The following CABLES1 variants were observed in gnomAD, a reference collection of about 807,000 sequenced individuals.
CABLES1 encodes Cdk5 and Abl enzyme substrate 1, also known as CDK5 and ABL1 enzyme substrate 1.
In CABLES1, 36 loss-of-function variants were observed where a neutral mutation model predicts 57.8. That is an observed-to-expected ratio of 0.62 (90% CI 0.48 to 0.82). The LOEUF is 0.82. Ranked by LOEUF, CABLES1 falls within the 40% of genes least tolerant of loss-of-function variation. The pLI, the probability that CABLES1 is intolerant of heterozygous loss-of-function variation, is 0.00. For missense variants in CABLES1, 767 were observed against 836.6 expected (o/e 0.92, Z 1.03); for synonymous variants, 374 against 363.0 (o/e 1.03, Z -0.35).
intron 7 of CABLES1, among the ~76,000 whole-genome samples, chr18:23,241,336 G>A (rs1184875724): frequency 6.6e-6 from 1 of 152,028 alleles, no homozygotes; most frequent in East Asian, 1.9e-4. Flanking sequence ...TTTAAGACCA[G>A]CCTGGCTAAC....
chr18:23,159,720 AC>A (rs893272293), intron 1 of CABLES1, among the ~76,000 whole-genome samples: 2 of 152,242 alleles, frequency 1.3e-5, no homozygotes, highest in African/African-American at 2.4e-5. Flanking sequence ...ATTAACACAC[AC>A]GCACAGACAA....
chr18:23,135,573 C>G lies in CABLES1; in HGVS notation c.-190C>G. The G allele has an allele frequency of 3.9e-5, 7 of 180,250 alleles. No homozygotes were observed. The highest frequency in any genetic ancestry group is 7.3e-5 in the Non-Finnish European group (7 of 95,532). The allele number at this position is 180,250 out of a possible 1,614,324, so 11.2% of individuals were successfully genotyped here. ...AGCGAGGCGTGCGCGTGGGCCGGGGCGGCGGCGCCCCCATCCCCAGCACCG... is the reference window on the plus strand; with the variant it reads ...AGCGAGGCGTGCGCGTGGGCCGGGGGGGCGGCGCCCCCATCCCCAGCACCG... On this transcript the variant is annotated 5_prime_UTR_variant, in exon 1 of 10. Coordinates refer to ENST00000256925, the MANE Select transcript of CABLES1 (RefSeq NM_001100619.3).
chr18:23,249,284 C>T (rs1292710970), intron 7 of CABLES1, among the ~76,000 whole-genome samples: 2 of 152,188 alleles, frequency 1.3e-5, no homozygotes, highest in Non-Finnish European at 2.9e-5. Context: ...AACAGGGCAT[C>T]CCAGGAGGAG....
intron 1 of CABLES1, among the ~76,000 whole-genome samples, chr18:23,168,857 A>G (rs2080984955): frequency 6.6e-6 from 1 of 152,152 alleles, no homozygotes; most frequent in Non-Finnish European, 1.5e-5. Context: ...ACCTTGCAGA[A>G]TTCTTCTAAG....
chr18:23,242,844 C>G (rs756400952), intron 7 of CABLES1, among the ~76,000 whole-genome samples: 2 of 152,008 alleles, frequency 1.3e-5, no homozygotes, highest in Non-Finnish European at 2.9e-5. Context: ...TCCCTCTACC[C>G]CTACATCTCC....
chr18:23,244,262 C>G (rs1017227789), intron 7 of CABLES1, among the ~76,000 whole-genome samples: 3 of 152,238 alleles, frequency 2.0e-5, no homozygotes, highest in Admixed American at 1.3e-4. Flanking sequence ...ATATTTGACA[C>G]TGAACATGCT....
At chr18:23,146,178 C>T (rs1355565427) in intron 1 of CABLES1, among the ~76,000 whole-genome samples, 1 of 152,164 alleles carries the variant, frequency 6.6e-6, no homozygotes, top group African/African-American at 2.4e-5. Context: ...TTAAGAAGGG[C>T]TGGGTGGCGG....
At chr18:23,252,808 T>C (rs1216178953) in intron 7 of CABLES1, 152 bp from the exon 8 acceptor site, 7 of 560,402 alleles carry the variant, frequency 1.2e-5, no homozygotes. Context: ...CCCTTCAGGC[T>C]CCTGGATTCC....
At chr18:23,247,877 T>C (rs116736445) in intron 7 of CABLES1, among the ~76,000 whole-genome samples, 1,903 of 152,314 alleles carry the variant, frequency 0.012, 43 homozygotes, top group African/African-American at 0.043. Flanking sequence ...ATTCCCCACT[T>C]ACGCGGGGCC....
rs1368770711 is a variant in CABLES1 at position 23,194,516 on chromosome 18, G to A, written c.986G>A (p.Arg329Gln). 5 of 1,612,450 alleles carry A rather than the reference G, an allele frequency of 3.1e-6. No homozygotes were observed. In the South Asian group the frequency reaches 3.3e-5, roughly 11 times the overall value. The change falls in exon 3 of 10, where the codon CGG (arginine) becomes CAG (glutamine). Residue 329 changes from arginine to glutamine, a missense_variant. Coordinates refer to ENST00000256925, the MANE Select transcript of CABLES1 (RefSeq NM_001100619.3). ...FKKIHFIKNM[R>Q]QHDTRNGRIV... ...AAGATTCATTTTATCAAGAACATGC[G>A]GCAACACGATACCAGGAATGGCAGG...
At chr18:23,253,577 A>G in intron 8 of CABLES1, 152 bp from the exon 9 acceptor site, 1 of 652,576 alleles carries the variant, frequency 1.5e-6, no homozygotes, top group Non-Finnish European at 2.7e-6. Context: ...CCCATGCATA[A>G]CGCAGCCTTC....
At chr18:23,213,469 T>C (rs558321208) in intron 3 of CABLES1, among the ~76,000 whole-genome samples, 1 of 152,328 alleles carries the variant, frequency 6.6e-6, no homozygotes, top group South Asian at 2.1e-4. Context: ...GATTATGTAA[T>C]TGTTCCCTTA....
At chr18:23,255,037 A>G (rs2048128571) in intron 9 of CABLES1, among the ~76,000 whole-genome samples, 1 of 152,156 alleles carries the variant, frequency 6.6e-6, no homozygotes, top group Non-Finnish European at 1.5e-5. Flanking sequence ...GCTAGTTTGA[A>G]TAGTTTTGAT....
chr18:23,190,421 C>T (rs1259156010), intron 2 of CABLES1: 5 of 152,220 alleles, frequency 3.3e-5, no homozygotes, highest in Admixed American at 1.3e-4. Flanking sequence ...CTCGGGGTAC[C>T]GGCTACAGAG....
chr18:23,248,050 AAGAC>A (rs2047941895), intron 7 of CABLES1, among the ~76,000 whole-genome samples: 1 of 152,344 alleles, frequency 6.6e-6, no homozygotes, highest in East Asian at 1.9e-4. Context: ...GCTTGTAAAA[AAGAC>A]AGAGCCTCTC....
At chr18:23,195,506 C>A (rs1028264955) in intron 3 of CABLES1, among the ~76,000 whole-genome samples, 1 of 152,164 alleles carries the variant, frequency 6.6e-6, no homozygotes, top group Admixed American at 6.5e-5. Context: ...AGTAAAGTAC[C>A]CTGTACAGCC....
intron 9 of CABLES1, among the ~76,000 whole-genome samples, 157 bp downstream of exon 9, chr18:23,254,093 T>A (rs887204226): frequency 6.6e-6 from 1 of 152,212 alleles, no homozygotes; most frequent in Non-Finnish European, 1.5e-5. Flanking sequence ...GTGGGAATAG[T>A]CAGGCTATCT....
At chr18:23,178,433 G>C (rs544444495) in intron 1 of CABLES1, among the ~76,000 whole-genome samples, 2 of 150,608 alleles carry the variant, frequency 1.3e-5, no homozygotes, top group Admixed American at 1.3e-4. Flanking sequence ...CTGGCCGCCT[G>C]ATGTCCTGAT....
At chr18:23,152,023 G>A (rs1166569019) in intron 1 of CABLES1, among the ~76,000 whole-genome samples, 6 of 152,158 alleles carry the variant, frequency 3.9e-5, no homozygotes, top group African/African-American at 1.4e-4. Flanking sequence ...AGGAGACTCC[G>A]GGGTTTCAGG....
Sources: allele counts gnomAD v4.1 joint callset (sites outside exome capture counted in the v4.1 genomes callset), GRCh38; gene constraint gnomAD v4.1.1; transcripts MANE v1.5; gene names NCBI Gene and HGNC (gene_info 2026-07-23, HGNC 2026-07-21).